Variants in SAXO2 observed in about 807,000 individuals in gnomAD.
The protein encoded by SAXO2 is family with sequence similarity 154, member B.
A neutral mutation model predicts 18.7 loss-of-function variants in SAXO2; 17 were observed. The observed-to-expected ratio is 0.91, with a 90% CI of 0.62 to 1.36. The LOEUF is 1.36. Among genes scored for constraint, SAXO2 ranks in the 40% most tolerant of loss-of-function variants. The probability of loss-of-function intolerance (pLI) is 0.00; values close to 1 mark genes in which losing one functional copy is unlikely to be tolerated. For missense variants in SAXO2, 486 were observed against 562.6 expected, an observed-to-expected ratio of 0.86 and a Z score of 1.38; for synonymous variants, 163 against 181.2, an observed-to-expected ratio of 0.90 and a Z score of 0.81.
intron 1 of SAXO2, chr15:82,263,401 G>C (rs2075161917): frequency 1.4e-6 from 1 of 720,026 alleles, no homozygotes; most frequent in Non-Finnish European, 2.5e-6. Flanking sequence ...TTCCCGTCCA[G>C]GCAGCAGTTC....
At position 82,262,849 on chromosome 15, in the gene SAXO2, C is replaced by T. The variant is rs752926822; in HGVS notation, c.-31C>T. 1.9e-6 allele frequency: 3 copies of T among 1,565,630 alleles called. No individual in the cohort carries two copies. The highest frequency in any genetic ancestry group is 2.3e-5 in the South Asian group (2 of 85,236). On this transcript the variant is annotated 5_prime_UTR_variant, in exon 1 of 4. Transcript: ENST00000682753. ...GGCGGGCGCTGTGGGAGTGGAGAAG[C>T]TGCAAGTGCTGAGGCGCGGTGGAGG... is the stretch of plus-strand genomic sequence containing the variant.
chr15:82,276,280 T>G (rs2075314449), intron 3 of SAXO2, among the ~76,000 whole-genome samples: 2 of 152,118 alleles, frequency 1.3e-5, no homozygotes. Context: ...AGATTCAATA[T>G]CATTAAAATG....
intron 3 of SAXO2, among the ~76,000 whole-genome samples, chr15:82,279,392 A>G (rs969285066): frequency 6.6e-6 from 1 of 152,230 alleles, no homozygotes; most frequent in Non-Finnish European, 1.5e-5. Context: ...TCAATTAAAC[A>G]GAACCTTAGC....
At chr15:82,282,039 G>C in intron 3 of SAXO2, 80 bp from the exon 4 acceptor site, 1 of 1,122,736 alleles carries the variant, frequency 8.9e-7, no homozygotes, top group Non-Finnish European at 1.3e-6. Context: ...TTGGCAATGA[G>C]AGAAGTCAGT....
At chr15:82,279,875 G>A (rs1044829317) in intron 3 of SAXO2, among the ~76,000 whole-genome samples, 6 of 152,132 alleles carry the variant, frequency 3.9e-5, no homozygotes, top group African/African-American at 1.4e-4. Flanking sequence ...GTGCATGCAG[G>A]CACTTCTTGG....
intron 3 of SAXO2, among the ~76,000 whole-genome samples, chr15:82,275,292 A>C (rs1332256357): frequency 6.7e-6 from 1 of 148,820 alleles, no homozygotes; most frequent in African/African-American, 2.4e-5. Flanking sequence ...AAAAAAAAAA[A>C]AAAAAAAAAA....
chr15:82,275,686 T>C (rs2075309282), intron 3 of SAXO2, among the ~76,000 whole-genome samples: 1 of 152,154 alleles, frequency 6.6e-6, no homozygotes, highest in Non-Finnish European at 1.5e-5. Context: ...CATATGATCA[T>C]CTCAGTAGAT....
At chr15:82,264,871 ATGT>A (rs2075199722) in intron 1 of SAXO2, 3 of 626,936 alleles carry the variant, frequency 4.8e-6, no homozygotes, top group South Asian at 1.9e-5. Flanking sequence ...AGCAAAATAA[ATGT>A]TGTGCCTTGA....
At chr15:82,266,109 A>G (rs1596025958) in intron 2 of SAXO2, among the ~76,000 whole-genome samples, 1 of 152,052 alleles carries the variant, frequency 6.6e-6, no homozygotes, top group Non-Finnish European at 1.5e-5. Flanking sequence ...CATAAAATAC[A>G]ATAACACCAA....
chr15:82,267,653 G>A (rs1266076929), intron 2 of SAXO2, among the ~76,000 whole-genome samples: 1 of 152,160 alleles, frequency 6.6e-6, no homozygotes, highest in African/African-American at 2.4e-5. Context: ...ATATAGCAAA[G>A]GTGGAGACTT....
At chr15:82,277,694 G>A (rs1201487253) in intron 3 of SAXO2, among the ~76,000 whole-genome samples, 1 of 152,158 alleles carries the variant, frequency 6.6e-6, no homozygotes, top group Non-Finnish European at 1.5e-5. Flanking sequence ...TGACATCTGA[G>A]GAGAAACAAC....
rs568304315 is a variant in SAXO2, at chr15:82,270,583, G to A, written c.234-1020G>A. Among the ~76,000 whole-genome samples the A allele has an allele frequency of 2.6e-5, 4 of 152,152 alleles. No individual in the cohort carries two copies. In the East Asian group the frequency reaches 5.8e-4, roughly 22 times the overall value. The stretch of plus-strand genomic sequence containing the variant: ...AGTGAGGGTTTTGGGTTTCTTTGGG[G>A]AACTTACAGACATACGCAGCAAATA... On this transcript the variant is annotated intron_variant, in intron 2 of 3. Coordinates refer to ENST00000682753, the MANE Select transcript of SAXO2 (RefSeq NM_001348699.2).
In SAXO2 at chr15:82,264,780, T is replaced by C. The variant is rs1052277383; in HGVS notation, c.54-789T>C. On this transcript the variant is annotated intron_variant, in intron 1 of 3. Transcript: ENST00000682753. ...TTCCAAGGTCAAGAAGCTGCCAAGT[T>C]AGGAAACCAGCTTGCAAATCAAGAT... is the stretch of plus-strand genomic sequence containing the variant. 3 of 697,000 alleles carry C rather than the reference T, an allele frequency of 4.3e-6. No individual in the cohort carries two copies. The Admixed American group carries it at 6.2e-5, about 14-fold the overall frequency. 43.2% of individuals were successfully genotyped at this position (697,000 alleles called of 1,614,324 possible). A position where few individuals can be genotyped will look rare whatever the true frequency, so the allele number is the denominator to read the frequency against.
Position 82,282,460 on chromosome 15 carries a change from T to C in SAXO2, c.775T>C (p.Cys259Arg). ...TCTCATTGGTGAAACTGCAAAACTCTGCAGACCTGTACACACCAGAGTGAC... is the reference window on the plus strand; with the variant it reads ...TCTCATTGGTGAAACTGCAAAACTCCGCAGACCTGTACACACCAGAGTGAC... ...QGLIGETAKL[C>R]RPVHTRVTQN... The change falls in exon 4 of 4, where the codon TGC (cysteine) becomes CGC (arginine). Residue 259 changes from cysteine to arginine, a missense_variant. Physicochemically the swap from Cys to Arg is radical, Grantham distance 180. Coordinates refer to ENST00000682753, the MANE Select transcript of SAXO2 (RefSeq NM_001348699.2). 6.2e-7 allele frequency: 1 copy of C among 1,614,168 alleles called. No homozygotes were observed. The highest frequency in any genetic ancestry group is 8.5e-7 in the Non-Finnish European group (1 of 1,180,034).
chr15:82,265,997 C>T (rs2075213978), intron 2 of SAXO2, among the ~76,000 whole-genome samples: 1 of 151,328 alleles, frequency 6.6e-6, no homozygotes, highest in Admixed American at 6.6e-5. Context: ...CTTAAAATAT[C>T]TCATATTTAT....
chr15:82,266,989 C>T (rs2075224546), intron 2 of SAXO2, among the ~76,000 whole-genome samples: 1 of 152,140 alleles, frequency 6.6e-6, no homozygotes, highest in African/African-American at 2.4e-5. Context: ...ATTACATTTA[C>T]TCATTATTTT....
intron 3 of SAXO2, among the ~76,000 whole-genome samples, chr15:82,275,280 C>CAAAAA (rs2075304582): frequency 2.3e-5 from 1 of 43,034 alleles, no homozygotes; most frequent in Non-Finnish European, 5.9e-5. Context: ...AACCTATCAA[C>CAAAAA]CAAAAAAAAA....
In SAXO2 at chr15:82,282,803, T is replaced by C. The variant is rs2075377883; in HGVS notation, c.1118T>C (p.Phe373Ser). ...CAGATTCCCAACCCATCTGGAAAAT[T>C]TGATGGTTTGAGCACTTTCAGATCT... ...QQQIPNPSGK[F>S]DGLSTFRSHY... The change falls in exon 4 of 4, where the codon TTT (phenylalanine) becomes TCT (serine). Residue 373 changes from phenylalanine (F) to serine (S), a missense_variant. Coordinates refer to ENST00000682753, the MANE Select transcript of SAXO2 (RefSeq NM_001348699.2). 2 of 1,614,056 alleles carry C rather than the reference T, an allele frequency of 1.2e-6. No individual in the cohort carries two copies. Among genetic ancestry groups the C allele is most frequent in the South Asian group, 1.1e-5 (1 of 91,040 alleles).
At chr15:82,278,899 T>A (rs1386736434) in intron 3 of SAXO2, among the ~76,000 whole-genome samples, 3 of 152,190 alleles carry the variant, frequency 2.0e-5, no homozygotes, top group Non-Finnish European at 2.9e-5. Context: ...GAGAGATGCA[T>A]CTAAAGCAAT....
Sources: allele counts gnomAD v4.1 joint callset (sites outside exome capture counted in the v4.1 genomes callset), GRCh38; gene constraint gnomAD v4.1.1; transcripts MANE v1.5; gene names NCBI Gene and HGNC (gene_info 2026-07-23, HGNC 2026-07-21).